EPHB1: variants seen among roughly 807,000 people sequenced by gnomAD.
EPHB1 encodes EPH receptor B1.
Under a neutral mutation model 94.4 loss-of-function variants are expected in EPHB1, and 30 were observed. That is an observed-to-expected ratio of 0.32 (90% CI 0.24 to 0.43). The LOEUF (loss-of-function observed/expected upper bound fraction) is 0.43, where lower values mean the gene tolerates loss of function less well. Among genes scored for constraint, EPHB1 ranks in the 20% least tolerant of loss-of-function variants. The pLI is 1.00. For synonymous variants in EPHB1, 522 were observed against 489.1 expected (o/e 1.07, Z -0.89); for missense variants, 1,055 against 1,308.3 (o/e 0.81, Z 2.99).
At chr3:135,100,052 C>T (rs1024619459) in intron 3 of EPHB1, among the ~76,000 whole-genome samples, 6 of 151,998 alleles carry the variant, frequency 3.9e-5, no homozygotes, top group African/African-American at 1.5e-4. Context: ...TTGGCATGAA[C>T]CTTTGCAAAC....
intron 5 of EPHB1, among the ~76,000 whole-genome samples, chr3:135,134,325 C>T (rs2107688048): frequency 6.6e-6 from 1 of 152,308 alleles, no homozygotes; most frequent in East Asian, 1.9e-4. Context: ...CTTTTCTACT[C>T]ACCTCCCCAC....
intron 4 of EPHB1, among the ~76,000 whole-genome samples, chr3:135,121,950 C>G (rs1559839929): frequency 6.6e-6 from 1 of 152,124 alleles, no homozygotes; most frequent in Non-Finnish European, 1.5e-5. Context: ...AATGCTTTAA[C>G]CTATGTTATG....
intron 12 of EPHB1, among the ~76,000 whole-genome samples, chr3:135,238,479 G>T (rs1943706896): frequency 6.6e-6 from 1 of 152,248 alleles, no homozygotes; most frequent in Non-Finnish European, 1.5e-5. Context: ...CGGCTCCACA[G>T]CTGTCACTGA....
chr3:135,219,574 C>A (rs960992436), intron 12 of EPHB1, among the ~76,000 whole-genome samples: 1 of 152,072 alleles, frequency 6.6e-6, no homozygotes, highest in African/African-American at 2.4e-5. Flanking sequence ...CCTGCGAAAG[C>A]CTTGATTTCA....
chr3:135,219,968 A>G (rs1943237918), intron 12 of EPHB1, among the ~76,000 whole-genome samples: 2 of 152,192 alleles, frequency 1.3e-5, no homozygotes, highest in Admixed American at 6.5e-5. Context: ...TGTAGGCAAA[A>G]TGTTTATCCA....
At chr3:134,996,419 C>G (rs966971871) in intron 3 of EPHB1, among the ~76,000 whole-genome samples, 1 of 152,152 alleles carries the variant, frequency 6.6e-6, no homozygotes, top group Non-Finnish European at 1.5e-5. Flanking sequence ...CACTTGGGTT[C>G]AAGTGATCTG....
intron 2 of EPHB1, among the ~76,000 whole-genome samples, chr3:134,931,607 T>C (rs36175): frequency 0.45 from 68,527 of 152,060 alleles, 15,998 homozygotes; most frequent in South Asian, 0.56. Flanking sequence ...ATCTTCACCA[T>C]AGGAAAGGGG....
At chr3:135,164,915 G>A (rs1396326663) in intron 7 of EPHB1, among the ~76,000 whole-genome samples, 1 of 151,380 alleles carries the variant, frequency 6.6e-6, no homozygotes, top group Admixed American at 6.6e-5. Flanking sequence ...ATGTTTTAGT[G>A]TAAGTATCTC....
intron 1 of EPHB1, among the ~76,000 whole-genome samples, chr3:134,845,747 A>G (rs1052153176): frequency 2.0e-5 from 3 of 151,916 alleles, no homozygotes; most frequent in Non-Finnish European, 4.4e-5. Flanking sequence ...GTATAATTTT[A>G]TTTTTCCTGC....
intron 1 of EPHB1, among the ~76,000 whole-genome samples, chr3:134,834,131 G>T (rs2036630188): frequency 6.6e-6 from 1 of 152,122 alleles, no homozygotes; most frequent in Non-Finnish European, 1.5e-5. Context: ...GAGATGAGAA[G>T]GTCCAGGGAC....
intron 5 of EPHB1, among the ~76,000 whole-genome samples, chr3:135,135,602 AC>A (rs1218137056): frequency 1.3e-5 from 2 of 152,046 alleles, no homozygotes; most frequent in East Asian, 3.9e-4. Context: ...TTCCCAGAAT[AC>A]CCCTGAGCTG....
chr3:135,123,341 A>C (rs2107683889), intron 4 of EPHB1, among the ~76,000 whole-genome samples: 1 of 152,224 alleles, frequency 6.6e-6, no homozygotes, highest in East Asian at 1.9e-4. Context: ...GTATTTATCA[A>C]TAAAAGAAAA....
intron 5 of EPHB1, among the ~76,000 whole-genome samples, chr3:135,137,620 G>A (rs992729525): frequency 3.3e-5 from 5 of 152,076 alleles, no homozygotes; most frequent in African/African-American, 1.2e-4. Flanking sequence ...AATCATGCAA[G>A]TTCATTTAAC....
At chr3:135,040,321 T>C (rs1936792840) in intron 3 of EPHB1, among the ~76,000 whole-genome samples, 1 of 152,244 alleles carries the variant, frequency 6.6e-6, no homozygotes, top group African/African-American at 2.4e-5. Flanking sequence ...AAGCCCAAGC[T>C]GATCTTTGGA....
intron 9 of EPHB1, among the ~76,000 whole-genome samples, chr3:135,175,763 T>C (rs1219802336): frequency 1.3e-5 from 2 of 152,224 alleles, no homozygotes; most frequent in African/African-American, 2.4e-5. Context: ...ATATTACATC[T>C]GATATTATTA....
At chr3:134,927,518 A>C (rs140927642) in intron 2 of EPHB1, among the ~76,000 whole-genome samples, 99 of 152,362 alleles carry the variant, frequency 6.5e-4, no homozygotes, top group African/African-American at 2.3e-3. Flanking sequence ...ATGAGGCAGC[A>C]GTTCTTCCAT....
chr3:135,143,853 C>T, intron 5 of EPHB1, among the ~76,000 whole-genome samples: 1 of 152,220 alleles, frequency 6.6e-6, no homozygotes, highest in East Asian at 1.9e-4. Flanking sequence ...CATTCTAAGA[C>T]ATCTTTTGAT....
intron 1 of EPHB1, among the ~76,000 whole-genome samples, chr3:134,848,326 TA>T (rs1179171695): frequency 6.6e-6 from 1 of 152,260 alleles, no homozygotes; most frequent in African/African-American, 2.4e-5. Flanking sequence ...AAAAATAAGT[TA>T]AATTTGGATA....
chr3:134,882,093 T>C (rs1705392308), intron 1 of EPHB1, among the ~76,000 whole-genome samples: 1 of 152,004 alleles, frequency 6.6e-6, no homozygotes, highest in African/African-American at 2.4e-5. Context: ...AAATTGATAA[T>C]TAGAAAAGAA....
Sources: allele counts gnomAD v4.1 joint callset (sites outside exome capture counted in the v4.1 genomes callset), GRCh38; gene constraint gnomAD v4.1.1; transcripts MANE v1.5; gene names NCBI Gene and HGNC (gene_info 2026-07-23, HGNC 2026-07-21).